CDC20B: variants seen among roughly 807,000 people sequenced by gnomAD.
CDC20B encodes cell division cycle protein 20 homolog B.
A neutral mutation model predicts 64.1 loss-of-function variants in CDC20B; 58 were observed. That is an observed-to-expected ratio of 0.90 (90% CI 0.73 to 1.13). The LOEUF (loss-of-function observed/expected upper bound fraction) is 1.13. Ranked by LOEUF, CDC20B falls within the 50% of genes most tolerant of loss-of-function variation. The pLI, the probability that CDC20B is intolerant of heterozygous loss-of-function variation, is 0.00. For synonymous variants in CDC20B, 243 were observed against 230.6 expected (o/e 1.05, Z -0.49); for missense variants, 597 against 633.0 (o/e 0.94, Z 0.61).
At chr5:55,155,190 C>T (rs1743775860) in intron 2 of CDC20B, among the ~76,000 whole-genome samples, 1 of 152,132 alleles carries the variant, frequency 6.6e-6, no homozygotes, top group Admixed American at 6.5e-5. Flanking sequence ...ATCATAGTGA[C>T]ATTAAACCAG....
At chr5:55,159,297 G>C (rs958430607) in intron 2 of CDC20B, among the ~76,000 whole-genome samples, 11 of 152,136 alleles carry the variant, frequency 7.2e-5, no homozygotes, top group African/African-American at 2.4e-4. Flanking sequence ...GATTACAGGC[G>C]TGAGCCACCA....
chr5:55,139,952 G>A (rs1019540069), intron 5 of CDC20B, among the ~76,000 whole-genome samples: 29 of 152,066 alleles, frequency 1.9e-4, no homozygotes, highest in African/African-American at 3.9e-4. Context: ...CTTTGAACCC[G>A]GGAGGCAAAG....
intron 2 of CDC20B, among the ~76,000 whole-genome samples, chr5:55,159,476 T>C (rs907040141): frequency 6.6e-6 from 1 of 152,160 alleles, no homozygotes; most frequent in Non-Finnish European, 1.5e-5. Context: ...CCCAGTTATG[T>C]TGTAAAGTGC....
intron 2 of CDC20B, among the ~76,000 whole-genome samples, chr5:55,150,141 A>T (rs1353237589): frequency 6.6e-6 from 1 of 152,224 alleles, no homozygotes; most frequent in Non-Finnish European, 1.5e-5. Flanking sequence ...TCAAAAAAAT[A>T]AATAAAAAAT....
intron 2 of CDC20B, among the ~76,000 whole-genome samples, chr5:55,154,629 A>G (rs976629490): frequency 3.9e-5 from 6 of 152,200 alleles, no homozygotes; most frequent in African/African-American, 1.4e-4. Flanking sequence ...CTGTGATACA[A>G]CCAGGACCCA....
In CDC20B at chr5:55,153,915, G is replaced by A. The variant is rs982297490; in HGVS notation, c.127-7059C>T. Among the ~76,000 whole-genome samples, 6 of 152,288 alleles carry A rather than the reference G, an allele frequency of 3.9e-5. No individual in the cohort carries two copies. The South Asian group carries it at 1.0e-3, about 26-fold the overall frequency. ...TGTTAGGCAGACCCCACTACAATAT[G>A]AGCAAACAGTATGGTGAAATTATTG... On this transcript the variant is annotated intron_variant, in intron 2 of 11. Coordinates refer to ENST00000381375, the MANE Select transcript of CDC20B (RefSeq NM_001170402.1).
intron 2 of CDC20B, chr5:55,160,159 A>G (rs1159396178): frequency 5.9e-6 from 9 of 1,529,940 alleles, no homozygotes; most frequent in Non-Finnish European, 8.1e-6. Context: ...CTTGAATTCC[A>G]GGCTGCTGAG....
At chr5:55,124,754 C>T (rs754011660) in intron 9 of CDC20B, 49 bp downstream of exon 9, 3 of 1,439,408 alleles carry the variant, frequency 2.1e-6, no homozygotes, top group South Asian at 2.4e-5. Context: ...GAAGGATACC[C>T]AGTGGCCTCT....
At chr5:55,168,262 T>C (rs1272128308) in intron 2 of CDC20B, among the ~76,000 whole-genome samples, 1 of 152,064 alleles carries the variant, frequency 6.6e-6, no homozygotes, top group Non-Finnish European at 1.5e-5. Context: ...GCTATCACTA[T>C]AATAGTGACA....
intron 8 of CDC20B, 39 bp downstream of exon 8, chr5:55,127,218 T>C: frequency 6.5e-7 from 1 of 1,539,240 alleles, no homozygotes; most frequent in Non-Finnish European, 9.0e-7. Context: ...AATCAATTGT[T>C]AATACAAACA....
At chr5:55,151,050 G>A (rs373694749) in intron 2 of CDC20B, among the ~76,000 whole-genome samples, 1 of 152,004 alleles carries the variant, frequency 6.6e-6, no homozygotes, top group Non-Finnish European at 1.5e-5. Context: ...AGGGCCACTC[G>A]AACTTTCATT....
At chr5:55,143,856 T>C (rs548053427) in intron 3 of CDC20B, among the ~76,000 whole-genome samples, 2 of 152,136 alleles carry the variant, frequency 1.3e-5, no homozygotes, top group African/African-American at 2.4e-5. Flanking sequence ...CAGAATCCTA[T>C]CCAGACTGCT....
chr5:55,153,093 G>T (rs1447836678), intron 2 of CDC20B, among the ~76,000 whole-genome samples: 2 of 151,968 alleles, frequency 1.3e-5, no homozygotes, highest in Admixed American at 6.6e-5. Context: ...ACAAAAATTA[G>T]CTGGGCACGG....
At chr5:55,123,530 G>C (rs1333374598) in intron 9 of CDC20B, among the ~76,000 whole-genome samples, 1 of 152,164 alleles carries the variant, frequency 6.6e-6, no homozygotes, top group Non-Finnish European at 1.5e-5. Flanking sequence ...TGCTCCACCT[G>C]TTGGTTAGCT....
intron 2 of CDC20B, among the ~76,000 whole-genome samples, chr5:55,148,252 T>C (rs1035072798): frequency 1.3e-5 from 2 of 152,274 alleles, no homozygotes; most frequent in Middle Eastern, 3.4e-3. Flanking sequence ...TTAGCAATAA[T>C]TTTTTTGTGA....
intron 5 of CDC20B, chr5:55,137,689 A>G (rs188605874): frequency 2.2e-6 from 1 of 456,730 alleles, no homozygotes; most frequent in African/African-American, 2.0e-5. Flanking sequence ...AGGAATGGCC[A>G]TGTAAGTTTA....
intron 6 of CDC20B, among the ~76,000 whole-genome samples, chr5:55,129,093 C>T (rs757375986): frequency 1.1e-4 from 17 of 152,132 alleles, no homozygotes; most frequent in Admixed American, 5.9e-4. Flanking sequence ...ATAGCTTATA[C>T]TAATAAGAAA....
intron 5 of CDC20B, among the ~76,000 whole-genome samples, chr5:55,134,538 G>C (rs1743111577): frequency 6.6e-6 from 1 of 152,212 alleles, no homozygotes; most frequent in African/African-American, 2.4e-5. Flanking sequence ...GAGGCAGGCA[G>C]ATTGCCTGAG....
At chr5:55,150,573 A>T (rs1461582857) in intron 2 of CDC20B, among the ~76,000 whole-genome samples, 1 of 152,192 alleles carries the variant, frequency 6.6e-6, no homozygotes, top group Non-Finnish European at 1.5e-5. Context: ...GTTGGGGGTC[A>T]GTTTTTCTGT....
Sources: gnomAD v4.1 joint callset for allele counts (sites outside exome capture counted in the v4.1 genomes callset) on GRCh38, gnomAD v4.1.1 for gene constraint, MANE v1.5 for transcripts, NCBI Gene and HGNC (gene_info 2026-07-23, HGNC 2026-07-21) for gene names.